SLC25A30: variants seen among roughly 807,000 people sequenced by gnomAD.
The protein encoded by SLC25A30 is solute carrier family 25 member 30.
SLC25A30 carries 29 observed loss-of-function variants against 42.7 expected under a neutral mutation model. That is an observed-to-expected ratio of 0.68 (90% confidence interval 0.51 to 0.93). The LOEUF is 0.93. SLC25A30 is among the 40% of genes least tolerant of loss of function. The pLI, the probability that SLC25A30 is intolerant of heterozygous loss-of-function variation, is 0.00. For synonymous variants in SLC25A30, 124 were observed against 131.0 expected, an observed-to-expected ratio of 0.95 and a Z score of 0.37; for missense variants, 300 against 359.7, an observed-to-expected ratio of 0.83 and a Z score of 1.34.
At chr13:45,403,007 C>T (rs1385553778) in intron 5 of SLC25A30, among the ~76,000 whole-genome samples, 1 of 152,114 alleles carries the variant, frequency 6.6e-6, no homozygotes, top group Non-Finnish European at 1.5e-5. Context: ...AAAATGTGTA[C>T]CTTATTTTTG....
At position 45,398,988 on chromosome 13, in the gene SLC25A30, T is replaced by G; in HGVS notation, c.705A>C (p.Arg235=). ...RTRMMNQRVL[R]DGRCSGYTGT... The stretch of plus-strand genomic sequence containing the variant: ...CTGTGTAGCCAGAACATCTGCCATC[T>G]CGAAGCACTCTCTGATTCATCATAC... The change falls in exon 8 of 10, where the codon CGA becomes CGC. Residue 235 remains arginine (R), a synonymous_variant. Transcript: ENST00000519676. The G allele has an allele frequency of 6.2e-7, 1 of 1,614,062 alleles. No homozygotes were observed. Among genetic ancestry groups the G allele is most frequent in the Non-Finnish European group, 8.5e-7 (1 of 1,180,020 alleles).
chr13:45,406,114 G>A (rs1052645535), intron 3 of SLC25A30, 137 bp from the exon 4 acceptor site: 4 of 667,806 alleles, frequency 6.0e-6, no homozygotes, highest in Admixed American at 2.6e-5. Context: ...ACGGAGTTTC[G>A]CTCTGTCACC....
upstream of SLC25A30, among the ~76,000 whole-genome samples, chr13:45,419,940 AGCGC>A (rs1222221432): frequency 2.1e-5 from 3 of 145,766 alleles, no homozygotes; most frequent in African/African-American, 8.3e-5. Flanking sequence ...CCTGGGTGAC[AGCGC>A]GAGAGAAAGA....
rs1881242681 is a variant in SLC25A30 at position 45,395,563 on chromosome 13, C to T, written c.*411G>A. On this transcript the variant is annotated 3_prime_UTR_variant, in exon 10 of 10. Transcript: ENST00000519676. The stretch of plus-strand genomic sequence containing the variant: ...AGAAATTCAGAAACCATAACACCTT[C>T]TCGGAGGCTCCATTCCATGGTTCCA... 1 of 1,079,992 alleles carries T rather than the reference C, an allele frequency of 9.3e-7. No homozygotes were observed. The highest frequency in any genetic ancestry group is 1.6e-5 in the African/African-American group (1 of 60,904). 66.9% of individuals were successfully genotyped at this position (1,079,992 alleles called of 1,614,324 possible).
Position 45,394,927 on chromosome 13 carries a change from A to T in SLC25A30, c.*1047T>A. The T allele has an allele frequency of 1.0e-6, 1 of 985,448 alleles. No individual in the cohort carries two copies. Among genetic ancestry groups the T allele is most frequent in the Non-Finnish European group, 1.2e-6 (1 of 829,916 alleles). 61.0% of individuals were successfully genotyped at this position (985,448 alleles called of 1,614,324 possible). A position where few individuals can be genotyped will look rare whatever the true frequency, so the allele number is the denominator to read the frequency against. On this transcript the variant is annotated 3_prime_UTR_variant, in exon 10 of 10. Transcript: ENST00000519676. ...AAAATCAACTCTTTGATTCACTACCAACATTTTGCTAAGGAAAATGTACTA... is the reference window on the plus strand; with the variant it reads ...AAAATCAACTCTTTGATTCACTACCTACATTTTGCTAAGGAAAATGTACTA...
chr13:45,396,329 A>C, intron 9 of SLC25A30: 1 of 1,180,858 alleles, frequency 8.5e-7, no homozygotes, highest in Non-Finnish European at 1.1e-6. Context: ...CTTTTGAGAG[A>C]GAGAGAGAGA....
At chr13:45,400,279 G>A (rs1471599651) in intron 7 of SLC25A30, among the ~76,000 whole-genome samples, 6 of 151,566 alleles carry the variant, frequency 4.0e-5, no homozygotes, top group Admixed American at 1.3e-4. Flanking sequence ...AAAATTAACC[G>A]GGTGTGGTGG....
chr13:45,398,989 C>T lies in SLC25A30; in HGVS notation c.704G>A (p.Arg235Gln), dbSNP rs149553914. Reference protein sequence around the residue: ...RTRMMNQRVLRDGRCSGYTGT... With the variant: ...RTRMMNQRVLQDGRCSGYTGT... ...TGTGTAGCCAGAACATCTGCCATCT[C>T]GAAGCACTCTCTGATTCATCATACG... Residue 235 changes from arginine (R) to glutamine (Q), a missense_variant, in exon 8 of 10, where the codon CGA becomes CAA. By Grantham distance (43) the Arg-to-Gln change is conservative. Coordinates refer to ENST00000519676, the MANE Select transcript of SLC25A30 (RefSeq NM_001010875.4). The T allele has an allele frequency of 4.5e-5, 72 of 1,613,954 alleles. No homozygotes were observed. In the African/African-American group the frequency reaches 7.1e-4, roughly 16 times the overall value.
upstream of SLC25A30, among the ~76,000 whole-genome samples, chr13:45,418,940 CAAAAAAAAAAAAAAAAAAAAAA>C (rs1168457204): frequency 1.2e-3 from 18 of 14,910 alleles, no homozygotes; most frequent in South Asian, 3.2e-3. Context: ...GACTTCGTCT[CAAAAAAAAAAAAAAAAAAAAAA>C]AAAAAAAAAA....
At chr13:45,396,385 T>C (rs1172395130) in intron 9 of SLC25A30, 5 of 1,057,732 alleles carry the variant, frequency 4.7e-6, no homozygotes, top group Non-Finnish European at 5.8e-6. Flanking sequence ...AGGCTTCCAC[T>C]ATGCATCCTT....
At chr13:45,407,041 C>T (rs941122730) in intron 3 of SLC25A30, among the ~76,000 whole-genome samples, 38 of 152,176 alleles carry the variant, frequency 2.5e-4, no homozygotes, top group African/African-American at 8.0e-4. Flanking sequence ...GCAGGCAGAT[C>T]ACTGCACCTC....
upstream of SLC25A30, chr13:45,418,593 G>C (rs1430800204): frequency 6.6e-6 from 1 of 152,046 alleles, no homozygotes; most frequent in East Asian, 1.9e-4. Flanking sequence ...AGCTGCCCGG[G>C]ACTCGGTGAC....
At chr13:45,404,648 G>A (rs1158318111) in intron 4 of SLC25A30, among the ~76,000 whole-genome samples, 2 of 152,056 alleles carry the variant, frequency 1.3e-5, no homozygotes, top group South Asian at 2.1e-4. Context: ...GTGAAACCCC[G>A]TCTCTACTAA....
At chr13:45,432,740 A>G in the SLC25A30 span, among the ~76,000 whole-genome samples, 1 of 147,728 alleles carries the variant, frequency 6.8e-6, no homozygotes, top group Non-Finnish European at 1.5e-5. Context: ...TCAGCATGTT[A>G]AAAAAAAAAA....
At position 45,397,257 on chromosome 13, in the gene SLC25A30, C is replaced by T. The variant is rs1881436639; in HGVS notation, c.834+1G>A. On this transcript the variant is annotated splice_donor_variant, in intron 9 of 9. Transcript: ENST00000519676. LOFTEE classifies it high-confidence loss of function. The stretch of plus-strand genomic sequence containing the variant: ...AGATCTATTGCAACAGAAAAGGATA[C>T]AATGATATTCCAAGGACCAAGTCTC... 1 of 1,595,780 alleles carries T rather than the reference C, an allele frequency of 6.3e-7. No homozygotes were observed. The highest frequency in any genetic ancestry group is 1.3e-5 in the African/African-American group (1 of 74,436).
At position 45,394,087 on chromosome 13, in the gene SLC25A30, T is replaced by C; in HGVS notation, c.*1887A>G. ...GAAAGTCTTTATAAAATCAATGGAA[T>C]GTTTTGGAAAGAAGAAAAAATCCTA... On this transcript the variant is annotated 3_prime_UTR_variant, in exon 10 of 10. Coordinates refer to ENST00000519676, the MANE Select transcript of SLC25A30 (RefSeq NM_001010875.4). 5 of 985,326 alleles carry C rather than the reference T, an allele frequency of 5.1e-6. No individual in the cohort carries two copies. The highest frequency in any genetic ancestry group is 6.0e-6 in the Non-Finnish European group (5 of 829,910). 61.0% of individuals were successfully genotyped at this position (985,326 alleles called of 1,614,324 possible).
chr13:45,402,887 ACT>A, intron 5 of SLC25A30: 1 of 770,138 alleles, frequency 1.3e-6, no homozygotes, highest in Non-Finnish European at 1.6e-6. Flanking sequence ...TACCTGTTAC[ACT>A]CTGTTACACT....
the SLC25A30 span, among the ~76,000 whole-genome samples, chr13:45,426,626 G>A: frequency 6.6e-6 from 1 of 152,046 alleles, no homozygotes; most frequent in Admixed American, 6.6e-5. Context: ...AGGGGAAATG[G>A]CACAGCCTAT....
At chr13:45,424,502 TA>T in the SLC25A30 span, among the ~76,000 whole-genome samples, 1 of 39,296 alleles carries the variant, frequency 2.5e-5, no homozygotes, top group East Asian at 4.4e-4. Context: ...TATAAATATA[TA>T]AAAATATATA....
Sources: allele counts gnomAD v4.1 joint callset (sites outside exome capture counted in the v4.1 genomes callset), GRCh38; gene constraint gnomAD v4.1.1; transcripts MANE v1.5; gene names NCBI Gene and HGNC (gene_info 2026-07-23, HGNC 2026-07-21).